Variants in ANAPC11 observed in about 807,000 individuals in gnomAD.
ANAPC11 encodes anaphase promoting complex subunit 11, also known as anaphase-promoting complex subunit 11.
A neutral mutation model predicts 11.8 loss-of-function variants in ANAPC11; 5 were observed. The ratio of observed to expected loss-of-function variants is 0.42; its 90% CI spans 0.22 to 0.89. The LOEUF (loss-of-function observed/expected upper bound fraction) is 0.89. ANAPC11 is among the 40% of genes least tolerant of loss of function. The probability of loss-of-function intolerance (pLI) is 0.28; values close to 1 mark genes in which losing one functional copy is unlikely to be tolerated. For missense variants in ANAPC11, 68 were observed against 112.9 expected (o/e 0.60, Z 1.80); for synonymous variants, 45 against 41.0 (o/e 1.10, Z -0.38).
At chr17:81,891,334 G>A, upstream of ANAPC11, 1 of 1,163,652 alleles carries the variant, frequency 8.6e-7, no homozygotes, top group Non-Finnish European at 1.1e-6. Flanking sequence ...CTGCTGTAGG[G>A]CGCCGGTCGG....
chr17:81,899,553 G>A (rs1165075623), intron 3 of ANAPC11: 1 of 1,609,302 alleles, frequency 6.2e-7, no homozygotes, highest in East Asian at 2.2e-5. Flanking sequence ...GTCAGACATT[G>A]CCCTTTTTCC....
rs1026342272 is a variant in ANAPC11 at position 81,900,082 on chromosome 17, C to T, written c.*17C>T. 10 of 1,611,764 alleles carry T rather than the reference C, an allele frequency of 6.2e-6. No homozygotes were observed. The Admixed American group carries it at 1.0e-4, about 16-fold the overall frequency. Reference sequence around the variant, plus strand: ...AAGGAGTGAGGCCCGACCTGGCTCTCGCTGGAGGGGCATCCTGAGACTCCT... The same window carrying T: ...AAGGAGTGAGGCCCGACCTGGCTCTTGCTGGAGGGGCATCCTGAGACTCCT... On this transcript the variant is annotated 3_prime_UTR_variant, in exon 4 of 4. Transcript: ENST00000344877.
At chr17:81,895,548 C>T (rs970406300) in intron 3 of ANAPC11, among the ~76,000 whole-genome samples, 5 of 152,198 alleles carry the variant, frequency 3.3e-5, no homozygotes, top group South Asian at 2.1e-4. Context: ...TGGCGGCCCA[C>T]GCCTGTTATT....
chr17:81,891,304 G>C (rs2039524296), upstream of ANAPC11: 3 of 1,132,772 alleles, frequency 2.6e-6, no homozygotes, highest in Admixed American at 1.5e-4. Flanking sequence ...TCTCCGGCGC[G>C]GCCGGCCTCC....
At position 81,899,254 on chromosome 17, in the gene ANAPC11, G is replaced by A. The variant is rs1484038183; in HGVS notation, c.110-666G>A. ...CTCTCTGTGTCAGGTCCTCTCCATGGAGAAAGCATTTCTAGGTGTTTGGGC... is the reference window on the plus strand; with the variant it reads ...CTCTCTGTGTCAGGTCCTCTCCATGAAGAAAGCATTTCTAGGTGTTTGGGC... On this transcript the variant is annotated intron_variant, in intron 3 of 3. Coordinates refer to ENST00000344877, the MANE Select transcript of ANAPC11 (RefSeq NM_001002248.3). 6 of 1,611,486 alleles carry A rather than the reference G, an allele frequency of 3.7e-6. No individual in the cohort carries two copies. The African/African-American group carries it at 6.7e-5, about 18-fold the overall frequency.
chr17:81,891,387 C>A, upstream of ANAPC11: 1 of 1,121,402 alleles, frequency 8.9e-7, no homozygotes, highest in Non-Finnish European at 1.1e-6. Context: ...GATGGCCGGC[C>A]GGTTCCGGAT....
intron 1 of ANAPC11, among the ~76,000 whole-genome samples, chr17:81,892,524 AT>A (rs201667030): frequency 0.21 from 27,391 of 128,366 alleles, 2,517 homozygotes; most frequent in Middle Eastern, 0.24. Flanking sequence ...CATTTCATTG[AT>A]TTTTTTTTTT....
intron 3 of ANAPC11, among the ~76,000 whole-genome samples, chr17:81,895,050 C>CTTTTTTTTTTTTTT (rs766422017): frequency 2.0e-4 from 17 of 85,060 alleles, no homozygotes; most frequent in East Asian, 3.2e-4. Flanking sequence ...TCTTTCTTTT[C>CTTTTTTTTTTTTTT]TTTTTTTTTT....
chr17:81,893,271 T>A (rs1356242650), intron 1 of ANAPC11: 2 of 152,232 alleles, frequency 1.3e-5, no homozygotes, highest in Non-Finnish European at 2.9e-5. Context: ...TTTTTGTATT[T>A]TTAGTAGAGA....
At chr17:81,891,299 G>A (rs1470084462), upstream of ANAPC11, 5 of 1,129,850 alleles carry the variant, frequency 4.4e-6, no homozygotes, top group African/African-American at 1.7e-5. Context: ...CCCACTCTCC[G>A]GCGCGGCCGG....
rs746266905 is a variant in ANAPC11, at chr17:81,900,083, G to A, written c.*18G>A. 1.9e-5 allele frequency: 30 copies of A among 1,611,590 alleles called. No individual in the cohort carries two copies. Among genetic ancestry groups the A allele is most frequent in the South Asian group, 1.3e-4 (12 of 90,742 alleles). On this transcript the variant is annotated 3_prime_UTR_variant, in exon 4 of 4. Coordinates refer to ENST00000344877, the MANE Select transcript of ANAPC11 (RefSeq NM_001002248.3). ...AGGAGTGAGGCCCGACCTGGCTCTC[G>A]CTGGAGGGGCATCCTGAGACTCCTT...
intron 3 of ANAPC11, among the ~76,000 whole-genome samples, chr17:81,896,259 A>G (rs2039738168): frequency 6.6e-6 from 1 of 152,116 alleles, no homozygotes; most frequent in Non-Finnish European, 1.5e-5. Flanking sequence ...CGTCTCTACT[A>G]AAAATACAAA....
In ANAPC11 at chr17:81,900,143, G is replaced by A. The variant is rs757372249; in HGVS notation, c.*78G>A. Reference sequence around the variant, plus strand: ...GGCGCCGATGGCTGCTGGGGACAGCGCCCCTGAGCTGCAACAAGGTGGAAA... The same window carrying A: ...GGCGCCGATGGCTGCTGGGGACAGCACCCCTGAGCTGCAACAAGGTGGAAA... On this transcript the variant is annotated 3_prime_UTR_variant, in exon 4 of 4. Coordinates refer to ENST00000344877, the MANE Select transcript of ANAPC11 (RefSeq NM_001002248.3). 9 of 1,581,188 alleles carry A rather than the reference G, an allele frequency of 5.7e-6. No individual in the cohort carries two copies. Among genetic ancestry groups the A allele is most frequent in the South Asian group, 4.6e-5 (4 of 87,392 alleles).
At chr17:81,891,294 T>G, upstream of ANAPC11, 5 of 1,103,994 alleles carry the variant, frequency 4.5e-6, no homozygotes, top group Non-Finnish European at 5.5e-6. Flanking sequence ...CCCCTCCCAC[T>G]CTCCGGCGCG....
upstream of ANAPC11, chr17:81,890,880 C>T (rs2039508901): frequency 6.2e-7 from 1 of 1,610,960 alleles, no homozygotes. Context: ...CTTTCCTGAC[C>T]CTCACGGCTA....
At chr17:81,891,923 C>T (rs1415339034) in intron 1 of ANAPC11, 82 bp downstream of exon 1, 5 of 178,106 alleles carry the variant, frequency 2.8e-5, no homozygotes, top group Admixed American at 1.3e-4. Flanking sequence ...GCGCCCCTCC[C>T]TCCCCGCACG....
At chr17:81,891,370 C>G, upstream of ANAPC11, 2 of 1,148,552 alleles carry the variant, frequency 1.7e-6, no homozygotes, top group Non-Finnish European at 2.1e-6. Context: ...CCGGCCGCGC[C>G]GCGGGCGATG....
At chr17:81,891,606 C>G, upstream of ANAPC11, 3 of 1,380,064 alleles carry the variant, frequency 2.2e-6, no homozygotes, top group South Asian at 2.7e-5. Flanking sequence ...CGTCAGCACG[C>G]CGGCACGTCA....
intron 2 of ANAPC11, 123 bp from the exon 3 acceptor site, chr17:81,894,341 ATCT>A: frequency 2.2e-6 from 1 of 455,454 alleles, no homozygotes; most frequent in Non-Finnish European, 3.9e-6. Context: ...GGCCGGTATG[ATCT>A]TCCTGCCTTG....
Sources: gnomAD v4.1 joint callset for allele counts (sites outside exome capture counted in the v4.1 genomes callset) on GRCh38, gnomAD v4.1.1 for gene constraint, MANE v1.5 for transcripts, NCBI Gene and HGNC (gene_info 2026-07-23, HGNC 2026-07-21) for gene names.